AKAIN1: variants seen among roughly 807,000 people sequenced by gnomAD.
The protein encoded by AKAIN1 is A-kinase anchor protein inhibitor 1.
In AKAIN1, 3 loss-of-function variants were observed where a neutral mutation model predicts 3.7. The observed-to-expected ratio is 0.82, with a 90% confidence interval of 0.37 to 2.12. The LOEUF is 2.12. AKAIN1 is among the 30% of genes most tolerant of loss of function. The pLI, the probability that AKAIN1 is intolerant of heterozygous loss-of-function variation, is 0.06. For missense variants in AKAIN1, 82 were observed against 82.7 expected, an observed-to-expected ratio of 0.99 and a Z score of 0.03; for synonymous variants, 31 against 30.8, an observed-to-expected ratio of 1.01 and a Z score of -0.02.
In AKAIN1 at chr18:5,184,593, A is replaced by G. The variant is rs548873982; in HGVS notation, c.16+12445T>C. 1.3e-5 allele frequency among the ~76,000 whole-genome samples: 2 copies of G among 152,140 alleles called. 1 individual carries two copies. The highest frequency in any genetic ancestry group is 4.1e-4 in the South Asian group (2 of 4,826). On this transcript the variant is annotated intron_variant, in intron 1 of 1. Coordinates refer to ENST00000434239, the MANE Select transcript of AKAIN1 (RefSeq NM_001145194.2). ...TTGAGAATGCAATCCCATTCACAAT[A>G]GACACAAAAAAGAATAAAATACCTA... is the stretch of plus-strand genomic sequence containing the variant.
chr18:5,189,098 G>A (rs995351019), intron 1 of AKAIN1, among the ~76,000 whole-genome samples: 2 of 152,198 alleles, frequency 1.3e-5, no homozygotes, highest in Admixed American at 6.5e-5. Flanking sequence ...GGCTGGAGCA[G>A]CCAAGGAGAG....
chr18:5,145,496 G>A lies in AKAIN1; in HGVS notation c.*66C>T. ...GGTTTGCTTTACTGGCAACATTTTG[G>A]AGATGCGTCCTATACTAAGAGGAAG... On this transcript the variant is annotated 3_prime_UTR_variant, in exon 2 of 2. Coordinates refer to ENST00000434239, the MANE Select transcript of AKAIN1 (RefSeq NM_001145194.2). 7.4e-7 allele frequency: 1 copy of A among 1,344,914 alleles called. No individual in the cohort carries two copies. The highest frequency in any genetic ancestry group is 1.0e-6 in the Non-Finnish European group (1 of 981,196). The allele number at this position is 1,344,914 out of a possible 1,614,324, so 83.3% of individuals were successfully genotyped here. A position where few individuals can be genotyped will look rare whatever the true frequency, so the allele number is the denominator to read the frequency against.
At chr18:5,158,752 C>T (rs1001568551) in intron 1 of AKAIN1, among the ~76,000 whole-genome samples, 2 of 151,614 alleles carry the variant, frequency 1.3e-5, no homozygotes, top group Non-Finnish European at 2.9e-5. Context: ...TGAACCAAGT[C>T]CTGCCAACAC....
chr18:5,195,028 A>G (rs1196856568), intron 1 of AKAIN1, among the ~76,000 whole-genome samples: 3 of 152,196 alleles, frequency 2.0e-5, no homozygotes, highest in Admixed American at 6.5e-5. Context: ...CACTATACGA[A>G]TTAGAAAACA....
chr18:5,154,989 A>G (rs2071099212), intron 1 of AKAIN1, among the ~76,000 whole-genome samples: 1 of 152,124 alleles, frequency 6.6e-6, no homozygotes, highest in South Asian at 2.1e-4. Context: ...GTCTTGCCAC[A>G]CCACAGGGCT....
At chr18:5,195,162 C>T (rs980877783) in intron 1 of AKAIN1, among the ~76,000 whole-genome samples, 27 of 151,702 alleles carry the variant, frequency 1.8e-4, no homozygotes, top group African/African-American at 6.5e-4. Context: ...AAAAAAGTTT[C>T]CCCAGACGTT....
At position 5,145,603 on chromosome 18, in the gene AKAIN1, G is replaced by T; in HGVS notation, c.169C>A (p.Leu57Met). The T allele has an allele frequency of 6.4e-7, 1 of 1,551,652 alleles. No homozygotes were observed. Among genetic ancestry groups the T allele is most frequent in the Non-Finnish European group, 8.7e-7 (1 of 1,146,956 alleles). ...TTCTTGGTTAACTCCCCAACGCCCA[G>T]TTGGATGTGGTCCCGGTTGTCACTG... ...RISDNRDHIQ[L>M]GVGELTKKHE... Residue 57 changes from leucine (L) to methionine (M), a missense_variant, in exon 2 of 2, where the codon CTG (leucine) becomes ATG (methionine). Leu to Met is a conservative substitution (Grantham distance 15, BLOSUM62 2). Coordinates refer to ENST00000434239, the MANE Select transcript of AKAIN1 (RefSeq NM_001145194.2).
In AKAIN1 at chr18:5,145,727, C is replaced by G. The variant is rs977398965; in HGVS notation, c.45G>C (p.Glu15Asp). 11 of 1,551,098 alleles carry G rather than the reference C, an allele frequency of 7.1e-6. No individual in the cohort carries two copies. In the African/African-American group the frequency reaches 1.5e-4, roughly 21 times the overall value. Residue 15 changes from glutamate (E) to aspartate (D), a missense_variant, in exon 2 of 2, where the codon GAG becomes GAC. By Grantham distance (45) the Glu-to-Asp change is conservative (BLOSUM62 2). Transcript: ENST00000434239. Reference protein sequence around the residue: ...PGEKPGNEPEEVKLQNASKQI... With the variant: ...PGEKPGNEPEDVKLQNASKQI... ...GTTTGCTGGCATTCTGCAGCTTCAC[C>G]TCTTCAGGCTCATTTCCAGGTTTCT...
At chr18:5,145,791 G>C (rs757927146) in intron 1 of AKAIN1, 36 bp from the exon 2 acceptor site, 2 of 1,517,652 alleles carry the variant, frequency 1.3e-6, no homozygotes, top group Non-Finnish European at 8.9e-7. Flanking sequence ...GAAAAGGAGA[G>C]AAATTAATTT....
At chr18:5,183,643 A>T (rs2071271298) in intron 1 of AKAIN1, among the ~76,000 whole-genome samples, 1 of 152,058 alleles carries the variant, frequency 6.6e-6, no homozygotes, top group Non-Finnish European at 1.5e-5. Context: ...AATGAAGGAA[A>T]ATAATGCAAA....
rs551054149 is a variant in AKAIN1 at position 5,171,920 on chromosome 18, C to G, written c.16+25118G>C. Reference sequence around the variant, plus strand: ...TTTATTACAGTATGATCCACAAAAGCCAAGATTTGGAAGCAACCTAAGTGT... The same window carrying G: ...TTTATTACAGTATGATCCACAAAAGGCAAGATTTGGAAGCAACCTAAGTGT... On this transcript the variant is annotated intron_variant, in intron 1 of 1. Coordinates refer to ENST00000434239, the MANE Select transcript of AKAIN1 (RefSeq NM_001145194.2). Among the ~76,000 whole-genome samples, 4 of 152,140 alleles carry G rather than the reference C, an allele frequency of 2.6e-5. No homozygotes were observed. The South Asian group carries it at 8.3e-4, about 32-fold the overall frequency.
intron 1 of AKAIN1, among the ~76,000 whole-genome samples, chr18:5,161,034 T>G (rs2071136359): frequency 1.3e-5 from 2 of 151,106 alleles, no homozygotes; most frequent in South Asian, 4.2e-4. Flanking sequence ...CTTGGCCCTT[T>G]GAATTCCTAT....
intron 1 of AKAIN1, among the ~76,000 whole-genome samples, chr18:5,189,996 C>A (rs56206307): frequency 0.45 from 68,399 of 151,966 alleles, 15,922 homozygotes; most frequent in Middle Eastern, 0.54. Flanking sequence ...TTTATGCGGA[C>A]AAGAAATTTA....
chr18:5,150,104 G>T (rs1026767749), intron 1 of AKAIN1, among the ~76,000 whole-genome samples: 1 of 152,222 alleles, frequency 6.6e-6, no homozygotes, highest in Non-Finnish European at 1.5e-5. Context: ...GAACCACTTA[G>T]CTCCATTGCC....
chr18:5,166,475 C>T, intron 1 of AKAIN1, among the ~76,000 whole-genome samples: 1 of 152,012 alleles, frequency 6.6e-6, no homozygotes, highest in South Asian at 2.1e-4. Context: ...TGCTGTTTCA[C>T]AGAACAAGGC....
rs184311417 is a variant in AKAIN1, at chr18:5,183,008, T to C, written c.16+14030A>G. On this transcript the variant is annotated intron_variant, in intron 1 of 1. Transcript: ENST00000434239. ...TTTTTTTTTGTCCCTAACTCTATTTTGCAAATTGTTTGTTGCCTCCTAGTT... is the reference window on the plus strand; with the variant it reads ...TTTTTTTTTGTCCCTAACTCTATTTCGCAAATTGTTTGTTGCCTCCTAGTT... 2.6e-5 allele frequency among the ~76,000 whole-genome samples: 4 copies of C among 152,210 alleles called. No homozygotes were observed. In the East Asian group the frequency reaches 7.7e-4, roughly 29 times the overall value.
intron 1 of AKAIN1, among the ~76,000 whole-genome samples, chr18:5,196,160 T>C (rs2071346432): frequency 6.6e-6 from 1 of 152,074 alleles, no homozygotes; most frequent in Non-Finnish European, 1.5e-5. Flanking sequence ...CCTTCCCCAC[T>C]CCCTGTTTTC....
At chr18:5,195,094 A>G (rs2071340287) in intron 1 of AKAIN1, among the ~76,000 whole-genome samples, 1 of 152,016 alleles carries the variant, frequency 6.6e-6, no homozygotes, top group African/African-American at 2.4e-5. Flanking sequence ...TCCTGTTCTT[A>G]TTGTCCCAAA....
chr18:5,151,577 T>C (rs1321978705), intron 1 of AKAIN1, among the ~76,000 whole-genome samples: 2 of 152,172 alleles, frequency 1.3e-5, no homozygotes, highest in African/African-American at 4.8e-5. Context: ...AAGACAGCTA[T>C]CAGCAGGCAT....
Sources: gnomAD v4.1 joint callset for allele counts (sites outside exome capture counted in the v4.1 genomes callset) on GRCh38, gnomAD v4.1.1 for gene constraint, MANE v1.5 for transcripts, NCBI Gene and HGNC (gene_info 2026-07-23, HGNC 2026-07-21) for gene names.